Variants in COBL observed in about 807,000 individuals in gnomAD.
COBL encodes protein cordon-bleu.
COBL carries 51 observed loss-of-function variants against 98.8 expected under a neutral mutation model. The ratio of observed to expected loss-of-function variants is 0.52; its 90% confidence interval spans 0.41 to 0.65. The LOEUF is 0.65. Among genes scored for constraint, COBL ranks in the 30% least tolerant of loss-of-function variants. The pLI is 0.00. For synonymous variants in COBL, 634 were observed against 651.7 expected (o/e 0.97, Z 0.41); for missense variants, 1,617 against 1,617.5 (o/e 1.00, Z 0.01).
chr7:51,113,014 A>G (rs944171391), intron 6 of COBL, among the ~76,000 whole-genome samples: 12 of 152,182 alleles, frequency 7.9e-5, no homozygotes, highest in African/African-American at 2.9e-4. Flanking sequence ...AGACATCTTA[A>G]CCTTCCGGAA....
intron 12 of COBL, among the ~76,000 whole-genome samples, chr7:51,023,901 G>A (rs565852238): frequency 1.4e-4 from 21 of 152,306 alleles, no homozygotes; most frequent in African/African-American, 4.6e-4. Flanking sequence ...CAAGCCAAGC[G>A]ACTCACTCCT....
chr7:51,028,429 G>A lies in COBL; in HGVS notation c.2667C>T (p.His889=), dbSNP rs893615258. The change falls in exon 10 of 13, where the codon CAC becomes CAT. Residue 889 remains histidine, a synonymous_variant. Coordinates refer to ENST00000265136, the MANE Select transcript of COBL (RefSeq NM_015198.5). ...PKVHADVVRP[H]GYAEKGYAGK... ...CTGCATAACCCTTCTCGGCATAACC[G>A]TGTGGCCTCACCACATCAGCATGGA... 3 of 1,614,242 alleles carry A rather than the reference G, an allele frequency of 1.9e-6. No homozygotes were observed. The highest frequency in any genetic ancestry group is 1.7e-5 in the Admixed American group (1 of 60,032).
At chr7:51,292,567 G>A (rs1801007753) in intron 1 of COBL, among the ~76,000 whole-genome samples, 1 of 152,246 alleles carries the variant, frequency 6.6e-6, no homozygotes, top group Non-Finnish European at 1.5e-5. Flanking sequence ...TGACGCAAAA[G>A]GCATTCTTGT....
intron 1 of COBL, among the ~76,000 whole-genome samples, chr7:51,280,182 T>C (rs538564963): frequency 7.9e-5 from 12 of 152,224 alleles, no homozygotes; most frequent in East Asian, 7.7e-4. Flanking sequence ...ATTTTTTTTT[T>C]CCCAATCCTG....
At chr7:51,087,494 T>C (rs1794390605) in intron 6 of COBL, among the ~76,000 whole-genome samples, 1 of 151,920 alleles carries the variant, frequency 6.6e-6, no homozygotes, top group African/African-American at 2.4e-5. Flanking sequence ...TTTTTTTGGT[T>C]GTTGTTGTTG....
chr7:51,223,242 C>T (rs924377468), intron 1 of COBL, among the ~76,000 whole-genome samples: 1 of 152,250 alleles, frequency 6.6e-6, no homozygotes, highest in Non-Finnish European at 1.5e-5. Context: ...GTGCTGTGAG[C>T]ATTAGTGTGT....
intron 1 of COBL, among the ~76,000 whole-genome samples, chr7:51,249,255 AAAAC>A (rs952573626): frequency 6.6e-6 from 1 of 152,188 alleles, no homozygotes; most frequent in Non-Finnish European, 1.5e-5. Context: ...GTGCAACCCC[AAAAC>A]AGAATCCTTG....
intron 6 of COBL, among the ~76,000 whole-genome samples, chr7:51,112,547 C>A (rs1366610448): frequency 1.3e-5 from 2 of 152,210 alleles, no homozygotes; most frequent in Admixed American, 6.5e-5. Flanking sequence ...CTTCTGCACA[C>A]AGATCTTTCA....
At chr7:51,080,414 G>T (rs75106504) in intron 7 of COBL, among the ~76,000 whole-genome samples, 12,831 of 152,234 alleles carry the variant, frequency 0.084, 772 homozygotes, top group South Asian at 0.12. Flanking sequence ...AGTGTCCCCT[G>T]GGAGTTCCTG....
intron 7 of COBL, among the ~76,000 whole-genome samples, chr7:51,080,965 G>A (rs779008611): frequency 1.3e-5 from 2 of 152,220 alleles, no homozygotes; most frequent in Non-Finnish European, 1.5e-5. Context: ...GTTGCATTCT[G>A]CCTGCTTAGG....
chr7:51,171,740 G>C (rs1787895563), intron 5 of COBL, among the ~76,000 whole-genome samples: 1 of 151,928 alleles, frequency 6.6e-6, no homozygotes, highest in African/African-American at 2.4e-5. Context: ...ATATAACTTA[G>C]ATATTTTAAT....
At chr7:51,275,968 C>A (rs577365195) in intron 1 of COBL, among the ~76,000 whole-genome samples, 1 of 152,278 alleles carries the variant, frequency 6.6e-6, no homozygotes, top group East Asian at 1.9e-4. Context: ...TATATTTACT[C>A]TTCAATGGAA....
intron 4 of COBL, among the ~76,000 whole-genome samples, chr7:51,185,961 C>T (rs1349809703): frequency 6.6e-6 from 1 of 152,222 alleles, no homozygotes; most frequent in Non-Finnish European, 1.5e-5. Context: ...CACTTGGTTA[C>T]ATGCAGGAGG....
At chr7:51,290,211 T>C (rs1293784125) in intron 1 of COBL, among the ~76,000 whole-genome samples, 1 of 152,192 alleles carries the variant, frequency 6.6e-6, no homozygotes, top group East Asian at 1.9e-4. Context: ...CTCAATAGAA[T>C]GGGCAAGTCA....
In COBL at chr7:51,209,212, C is replaced by G. The variant is rs143851329; in HGVS notation, c.245+10529G>C. ...ATCCTACAAGAATCCCTAAAGTGCC[C>G]TCTTTCTCATGCCAATGCTACAAGA... On this transcript the variant is annotated intron_variant, in intron 2 of 12. Transcript: ENST00000265136. Among the ~76,000 whole-genome samples, 30 of 152,230 alleles carry G rather than the reference C, an allele frequency of 2.0e-4. 1 individual carries two copies. The East Asian group carries it at 5.8e-3, about 29-fold the overall frequency.
intron 4 of COBL, 45 bp downstream of exon 4, chr7:51,190,805 T>C: frequency 6.6e-7 from 1 of 1,504,230 alleles, no homozygotes; most frequent in Non-Finnish European, 9.2e-7. Flanking sequence ...ACGCCGCGCA[T>C]CCGTGTGATT....
intron 2 of COBL, among the ~76,000 whole-genome samples, chr7:51,194,937 T>C (rs914330164): frequency 5.3e-5 from 8 of 152,168 alleles, no homozygotes; most frequent in African/African-American, 1.7e-4. Context: ...AGATGCATAG[T>C]TGGAAAACAT....
intron 1 of COBL, among the ~76,000 whole-genome samples, chr7:51,285,550 T>C (rs1183833877): frequency 1.3e-5 from 2 of 152,176 alleles, no homozygotes; most frequent in African/African-American, 4.8e-5. Context: ...AGTAAAGTAT[T>C]TAGGTATAAG....
At chr7:51,116,223 T>C (rs1465043116) in intron 6 of COBL, among the ~76,000 whole-genome samples, 1 of 152,132 alleles carries the variant, frequency 6.6e-6, no homozygotes, top group Non-Finnish European at 1.5e-5. Context: ...GATAAACCAG[T>C]TTGTTTCCTG....
Sources: allele counts gnomAD v4.1 joint callset (sites outside exome capture counted in the v4.1 genomes callset), GRCh38; gene constraint gnomAD v4.1.1; transcripts MANE v1.5; gene names NCBI Gene and HGNC (gene_info 2026-07-23, HGNC 2026-07-21).